PLIN1: variants seen among roughly 807,000 people sequenced by gnomAD.
The protein encoded by PLIN1 is perilipin-1.
In PLIN1, 37 loss-of-function variants were observed where a neutral mutation model predicts 45.8. That is an observed-to-expected ratio of 0.81 (90% CI 0.62 to 1.06). The LOEUF (loss-of-function observed/expected upper bound fraction) is 1.06, where lower values mean the gene tolerates loss of function less well. Ranked by LOEUF, PLIN1 falls within the 50% of genes least tolerant of loss-of-function variation. PLIN1 has a pLI of 0.00. For synonymous variants in PLIN1, 340 were observed against 309.2 expected (o/e 1.10, Z -1.05); for missense variants, 776 against 716.5 (o/e 1.08, Z -0.95).
At chr15:89,675,014 C>A (rs530599070) in intron 2 of PLIN1, among the ~76,000 whole-genome samples, 2 of 152,150 alleles carry the variant, frequency 1.3e-5, no homozygotes, top group Admixed American at 1.3e-4. Context: ...TACTCGGGAA[C>A]CTGAGGCGGG....
chr15:89,677,364 G>T, intron 2 of PLIN1, 81 bp downstream of exon 2: 1 of 1,098,178 alleles, frequency 9.1e-7, no homozygotes, highest in Non-Finnish European at 1.4e-6. Context: ...CTTGCTCTAA[G>T]TCCCCTGCAT....
At chr15:89,670,331 G>C in intron 4 of PLIN1, 87 bp from the exon 5 acceptor site, 2 of 1,416,630 alleles carry the variant, frequency 1.4e-6, no homozygotes, top group Non-Finnish European at 1.9e-6. Context: ...CCTGAGCCCA[G>C]CTCCCAGGAA....
rs980532539 is a variant in PLIN1, at chr15:89,664,371, T to C, written c.*1212A>G. 1 of 143,238 alleles carries C rather than the reference T, an allele frequency of 7.0e-6. No homozygotes were observed. Among genetic ancestry groups the C allele is most frequent in the African/African-American group, 2.5e-5 (1 of 39,546 alleles). The allele number at this position is 143,238 out of a possible 1,614,324, so 8.9% of individuals were successfully genotyped here. A position where few individuals can be genotyped will look rare whatever the true frequency, so the allele number is the denominator to read the frequency against. ...GCCACACATGTACACTAGACATTTT[T>C]GATAAGGACATTTATTATAGCATCG... On this transcript the variant is annotated 3_prime_UTR_variant, in exon 9 of 9. Transcript: ENST00000300055.
In PLIN1 at chr15:89,665,865, C is replaced by T. The variant is rs1567075056; in HGVS notation, c.1287G>A (p.Arg429=). 7 of 1,503,712 alleles carry T rather than the reference C, an allele frequency of 4.7e-6. No homozygotes were observed. Among genetic ancestry groups the T allele is most frequent in the Non-Finnish European group, 6.2e-6 (7 of 1,132,768 alleles). The allele number at this position is 1,503,712 out of a possible 1,614,324, so 93.1% of individuals were successfully genotyped here. A position where few individuals can be genotyped will look rare whatever the true frequency, so the allele number is the denominator to read the frequency against. The change falls in exon 9 of 9, where the codon CGG becomes CGA. Residue 429 remains arginine, a synonymous_variant. Transcript: ENST00000300055. ...IDNPPAEVER[R]EAERRASGAP... is the part of the protein sequence containing the mutation. ...CCCCAGACGCTCTGCGCTCCGCCTCCCGGCGCTCGACCTCGGCTGGTGGGT... is the reference window on the plus strand; with the variant it reads ...CCCCAGACGCTCTGCGCTCCGCCTCTCGGCGCTCGACCTCGGCTGGTGGGT...
At position 89,669,632 on chromosome 15, in the gene PLIN1, C is replaced by T. The variant is rs1277084346; in HGVS notation, c.639G>A (p.Lys213=). The part of the protein sequence containing the change: ...PGHQQAQKSP[K]AKPSLLSRVG... ...CCCTGCTCAAGAGGCTTGGCTTGGC[C>T]TTGGGAGACTTCTGGGCTTGCTGGT... Residue 213 remains lysine (K), a synonymous_variant, in exon 6 of 9, where the codon AAG becomes AAA. Transcript: ENST00000300055. 4 of 1,613,946 alleles carry T rather than the reference C, an allele frequency of 2.5e-6. No individual in the cohort carries two copies. The highest frequency in any genetic ancestry group is 2.7e-5 in the African/African-American group (2 of 74,882).
Position 89,673,065 on chromosome 15 carries a change from TAAG to T in PLIN1, c.250+142_250+144del, listed in dbSNP as rs1423006301. 5.0e-5 allele frequency: 35 copies of T among 696,608 alleles called. 1 individual carries two copies. Among genetic ancestry groups the T allele is most frequent in the Admixed American group, 3.9e-4 (19 of 48,858 alleles). The allele number at this position is 696,608 out of a possible 1,614,324, so 43.2% of individuals were successfully genotyped here. ...GTATGTATACCTTTATAGCCATAGA[TAAG>T]AAGACCATGCAATGGGATGTGGGCA... On this transcript the variant is annotated intron_variant, in intron 3 of 8. Transcript: ENST00000300055.
chr15:89,675,900 C>T (rs1964508245), intron 2 of PLIN1, among the ~76,000 whole-genome samples: 1 of 152,120 alleles, frequency 6.6e-6, no homozygotes. Context: ...TTCAAAATAA[C>T]ATGAAGTGGG....
Position 89,664,903 on chromosome 15 carries a change from AGTAATGATGCAAATG to A in PLIN1, c.*665_*679del. The A allele has an allele frequency of 2.2e-6, 1 of 456,112 alleles. No individual in the cohort carries two copies. Among genetic ancestry groups the A allele is most frequent in the Non-Finnish European group, 4.4e-6 (1 of 226,798 alleles). The allele number at this position is 456,112 out of a possible 1,614,324, so 28.3% of individuals were successfully genotyped here. ...AAAGAGTGACTATGCAGGTGAAGGC[AGTAATGATGCAAATG>A]GAAATGTGGCTGTGAGCAAGCAGCT... On this transcript the variant is annotated 3_prime_UTR_variant, in exon 9 of 9. Coordinates refer to ENST00000300055, the MANE Select transcript of PLIN1 (RefSeq NM_002666.5).
rs60281922 is a variant in PLIN1 at position 89,671,397 on chromosome 15, C to T, written c.333+85G>A. On this transcript the variant is annotated intron_variant, in intron 4 of 8. Transcript: ENST00000300055. ...ACCATGGGACACAGACTTCCAGTCA[C>T]GGCATCAGCAGCCCCTGCCCTCTCC... 1,584 of 971,774 alleles carry T rather than the reference C, an allele frequency of 1.6e-3. 32 individuals carry two copies. The African/African-American group carries it at 0.023, about 14-fold the overall frequency. The allele number at this position is 971,774 out of a possible 1,614,324, so 60.2% of individuals were successfully genotyped here.
At chr15:89,670,750 A>G (rs1316112507) in intron 4 of PLIN1, among the ~76,000 whole-genome samples, 1 of 152,208 alleles carries the variant, frequency 6.6e-6, no homozygotes, top group Non-Finnish European at 1.5e-5. Context: ...TCACAGCTGA[A>G]TAGACCTGCT....
chr15:89,666,378 A>G (rs1039002684), intron 8 of PLIN1, among the ~76,000 whole-genome samples: 5 of 151,994 alleles, frequency 3.3e-5, no homozygotes, highest in Non-Finnish European at 7.4e-5. Flanking sequence ...CCCCCTTACC[A>G]GCTCTAAGGG....
At chr15:89,666,205 C>G (rs968105058) in intron 8 of PLIN1, among the ~76,000 whole-genome samples, 1 of 152,346 alleles carries the variant, frequency 6.6e-6, no homozygotes, top group Non-Finnish European at 1.5e-5. Context: ...CTGAGGGGAA[C>G]CCTCAATGGG....
chr15:89,673,509 G>C, intron 2 of PLIN1, 95 bp from the exon 3 acceptor site: 1 of 1,010,012 alleles, frequency 9.9e-7, no homozygotes, highest in Non-Finnish European at 1.5e-6. Flanking sequence ...GGTGCAACTA[G>C]CCTGAGTCCA....
Position 89,673,359 on chromosome 15 carries a change from C to T in PLIN1, c.101G>A (p.Cys34Tyr). The change falls in exon 3 of 9, where the codon TGC becomes TAC. Residue 34 changes from cysteine (C) to tyrosine (Y), a missense_variant. Coordinates refer to ENST00000300055, the MANE Select transcript of PLIN1 (RefSeq NM_002666.5). ...GGTGTAGGTCTTCTGGAAGCATTCGCAGGTGCCACTCACCACCGGCAGCTG... is the reference window on the plus strand; with the variant it reads ...GGTGTAGGTCTTCTGGAAGCATTCGTAGGTGCCACTCACCACCGGCAGCTG... ...VLQLPVVSGT[C>Y]ECFQKTYTST... 1 of 1,603,550 alleles carries T rather than the reference C, an allele frequency of 6.2e-7. No individual in the cohort carries two copies. The highest frequency in any genetic ancestry group is 8.5e-7 in the Non-Finnish European group (1 of 1,174,978).
Position 89,673,198 on chromosome 15 carries a change from G to GC in PLIN1, c.250+11dup, listed in dbSNP as rs1176472173. The GC allele has an allele frequency of 6.5e-7, 1 of 1,549,452 alleles. No individual in the cohort carries two copies. On this transcript the variant is annotated intron_variant, in intron 3 of 8. Transcript: ENST00000300055. ...AACAAGCAGGCAGCTGCTGAGCGCC[G>GC]CAAGGACTCACACTGGGTGGACAGC... is the stretch of plus-strand genomic sequence containing the variant.
Position 89,665,591 on chromosome 15 carries a change from T to G in PLIN1, c.1561A>C (p.Lys521Gln). ...GRTHYSQLRK[K>Q]S ...GCGGCTGGTGCGGCGACTCAGCTCT[T>G]CTTGCGCAGCTGGCTGTAATGCGTG... The change falls in exon 9 of 9, where the codon AAG (lysine) becomes CAG (glutamine). Residue 521 changes from lysine (K) to glutamine (Q), a missense_variant. Physicochemically the swap from Lys to Gln is moderately conservative, Grantham distance 53. Coordinates refer to ENST00000300055, the MANE Select transcript of PLIN1 (RefSeq NM_002666.5). 3.9e-6 allele frequency: 6 copies of G among 1,527,422 alleles called. No individual in the cohort carries two copies. Among genetic ancestry groups the G allele is most frequent in the African/African-American group, 1.4e-5 (1 of 71,822 alleles). 94.6% of individuals were successfully genotyped at this position (1,527,422 alleles called of 1,614,324 possible).
At chr15:89,669,110 G>A (rs778258485) in intron 6 of PLIN1, among the ~76,000 whole-genome samples, 20 of 152,138 alleles carry the variant, frequency 1.3e-4, no homozygotes, top group Non-Finnish European at 2.8e-4. Flanking sequence ...ATTTAAGGAT[G>A]ACAGTCCCTA....
In PLIN1 at chr15:89,665,744, G is replaced by A. The variant is rs1269649932; in HGVS notation, c.1408C>T (p.Leu470=). 1.6e-5 allele frequency: 22 copies of A among 1,365,776 alleles called. No homozygotes were observed. The highest frequency in any genetic ancestry group is 4.6e-5 in the African/African-American group (3 of 65,534). The allele number at this position is 1,365,776 out of a possible 1,614,324, so 84.6% of individuals were successfully genotyped here. Residue 470 remains leucine (L), a synonymous_variant, in exon 9 of 9, where the codon CTG becomes TTG. Transcript: ENST00000300055. ...QSPGAPPGPG[L]EDEVATPAAP... ...GCGGGCGTGGCGACTTCGTCCTCCA[G>A]GCCCGGGCCGGGGGGCGCGCCGGGG...
chr15:89,672,176 A>G (rs936637211), intron 3 of PLIN1, among the ~76,000 whole-genome samples: 4 of 152,164 alleles, frequency 2.6e-5, no homozygotes, highest in Non-Finnish European at 4.4e-5. Flanking sequence ...GAGATGGTCA[A>G]CTGTCCGAAG....
Sources: gnomAD v4.1 joint callset for allele counts (sites outside exome capture counted in the v4.1 genomes callset) on GRCh38, gnomAD v4.1.1 for gene constraint, MANE v1.5 for transcripts, NCBI Gene and HGNC (gene_info 2026-07-23, HGNC 2026-07-21) for gene names.